Variants in DLG2 observed in about 807,000 individuals in gnomAD.
DLG2 encodes discs large MAGUK scaffold protein 2.
In DLG2, 45 loss-of-function variants were observed where a neutral mutation model predicts 132.5. The ratio of observed to expected loss-of-function variants is 0.34; its 90% CI spans 0.27 to 0.44. The LOEUF (loss-of-function observed/expected upper bound fraction) is 0.44, where lower values mean the gene tolerates loss of function less well. Ranked by LOEUF, DLG2 falls within the 20% of genes least tolerant of loss-of-function variation. The probability of loss-of-function intolerance (pLI) is 1.00; values close to 1 mark genes in which losing one functional copy is unlikely to be tolerated. For missense variants in DLG2, 1,045 were observed against 1,196.9 expected (o/e 0.87, Z 1.87); for synonymous variants, 424 against 419.6 (o/e 1.01, Z -0.13).
intron 6 of DLG2, among the ~76,000 whole-genome samples, chr11:85,084,800 G>A (rs115261012): frequency 0.021 from 3,250 of 152,132 alleles, 35 homozygotes; most frequent in Non-Finnish European, 0.026. Flanking sequence ...TGGTGTTTCC[G>A]GTGACTGGCA....
intron 8 of DLG2, among the ~76,000 whole-genome samples, chr11:84,174,008 C>T (rs910560639): frequency 3.7e-5 from 1 of 26,746 alleles, no homozygotes; most frequent in Admixed American, 4.4e-4. Flanking sequence ...GACTTCACCC[C>T]CCGGCCTTTT....
chr11:83,914,029 A>G (rs1014329315), intron 15 of DLG2, among the ~76,000 whole-genome samples: 29 of 152,298 alleles, frequency 1.9e-4, no homozygotes, highest in African/African-American at 5.8e-4. Context: ...CAGAAAAATC[A>G]TTCAAGAGAT....
At chr11:85,279,001 T>A (rs1355985842) in intron 4 of DLG2, among the ~76,000 whole-genome samples, 1 of 152,178 alleles carries the variant, frequency 6.6e-6, no homozygotes, top group East Asian at 1.9e-4. Context: ...ATGGCCTATA[T>A]ATGTGAGAGA....
chr11:83,927,689 C>G (rs574243254), intron 15 of DLG2, among the ~76,000 whole-genome samples: 1 of 152,082 alleles, frequency 6.6e-6, no homozygotes, highest in Admixed American at 6.6e-5. Flanking sequence ...GAGATCTGAT[C>G]TGTATTTTTT....
intron 19 of DLG2, among the ~76,000 whole-genome samples, chr11:83,561,895 T>C (rs1381279076): frequency 1.4e-5 from 2 of 140,328 alleles, no homozygotes; most frequent in South Asian, 2.4e-4. Flanking sequence ...TTTTTTTTTT[T>C]TTTTTTTTTT....
intron 7 of DLG2, among the ~76,000 whole-genome samples, chr11:84,390,444 T>C (rs1427829534): frequency 4.6e-5 from 7 of 152,176 alleles, no homozygotes; most frequent in African/African-American, 1.7e-4. Context: ...GTGGTTAGGC[T>C]TGAATGCCAG....
At chr11:83,724,476 T>TGTGAGAGAGAGAGAGA (rs762050933) in intron 18 of DLG2, among the ~76,000 whole-genome samples, 245 of 118,168 alleles carry the variant, frequency 2.1e-3, no homozygotes, top group East Asian at 9.4e-3. Context: ...TGTGTGTGTG[T>TGTGAGAGAGAGAGAGA]GAGAGAGAGA....
chr11:84,832,888 C>T (rs1175351669), intron 6 of DLG2, among the ~76,000 whole-genome samples: 1 of 151,530 alleles, frequency 6.6e-6, no homozygotes, highest in Non-Finnish European at 1.5e-5. Context: ...CAATTTTGCT[C>T]AGCAACTTCC....
chr11:83,491,135 GT>G lies in DLG2; in HGVS notation c.2194-6908del, dbSNP rs569211813. Among the ~76,000 whole-genome samples, 263 of 144,722 alleles carry G rather than the reference GT, an allele frequency of 1.8e-3. 2 individuals are homozygous for G. The highest frequency in any genetic ancestry group is 6.4e-3 in the African/African-American group (248 of 38,560). 94.9% of individuals were successfully genotyped at this position (144,722 alleles called of 152,430 possible). A position where few individuals can be genotyped will look rare whatever the true frequency, so the allele number is the denominator to read the frequency against. ...GAAAAATGTTTGTTTCCTTTTTATA[GT>G]TTTTTTTCTGTTTTTTTTTTTTTGT... On this transcript the variant is annotated intron_variant, in intron 21 of 27. Transcript: ENST00000376104.
At chr11:84,437,259 A>G (rs189839154) in intron 7 of DLG2, 1 of 152,118 alleles carries the variant, frequency 6.6e-6, no homozygotes, top group African/African-American at 2.4e-5. Context: ...AGTGGCAAGG[A>G]CCACATTCAC....
At chr11:85,024,490 A>G (rs2060346610) in intron 6 of DLG2, among the ~76,000 whole-genome samples, 1 of 152,224 alleles carries the variant, frequency 6.6e-6, no homozygotes, top group Non-Finnish European at 1.5e-5. Context: ...AGAAATTTGC[A>G]TAAATGCAGG....
intron 3 of DLG2, among the ~76,000 whole-genome samples, chr11:85,346,189 T>A (rs1389567947): frequency 7.1e-6 from 1 of 141,844 alleles, no homozygotes; most frequent in Non-Finnish European, 1.5e-5. Context: ...ATTTTCTTTC[T>A]TTTTTTTTTT....
chr11:84,059,035 T>C (rs931857771), intron 11 of DLG2, among the ~76,000 whole-genome samples: 6 of 152,156 alleles, frequency 3.9e-5, no homozygotes, highest in African/African-American at 1.4e-4. Context: ...TAAGTTATCA[T>C]GACCCAGTAA....
At chr11:84,004,568 G>T (rs904887787) in intron 11 of DLG2, among the ~76,000 whole-genome samples, 9 of 151,784 alleles carry the variant, frequency 5.9e-5, no homozygotes, top group Non-Finnish European at 1.3e-4. Context: ...AAAACTCTTA[G>T]ATCTAATAAA....
At chr11:84,079,244 G>A (rs2096869634) in intron 10 of DLG2, among the ~76,000 whole-genome samples, 1 of 150,902 alleles carries the variant, frequency 6.6e-6, no homozygotes, top group South Asian at 2.1e-4. Context: ...TCTTTCATTA[G>A]CTGAATTACT....
At chr11:84,596,229 C>T (rs574236268) in intron 6 of DLG2, among the ~76,000 whole-genome samples, 18 of 145,884 alleles carry the variant, frequency 1.2e-4, no homozygotes, top group Middle Eastern at 3.5e-3. Context: ...TTTCTCTTGA[C>T]GGAGCTTTGC....
chr11:85,016,571 C>T (rs2059595410), intron 6 of DLG2, among the ~76,000 whole-genome samples: 1 of 152,136 alleles, frequency 6.6e-6, no homozygotes. Flanking sequence ...CATCTGGTCT[C>T]TCTCAACTCA....
intron 7 of DLG2, among the ~76,000 whole-genome samples, chr11:84,319,193 T>TTC (rs1000464995): frequency 1.3e-5 from 2 of 151,194 alleles, no homozygotes; most frequent in African/African-American, 2.4e-5. Context: ...AGAAAATTAT[T>TTC]TCTCTCTCTC....
chr11:84,452,132 A>G (rs1299076616), intron 7 of DLG2, among the ~76,000 whole-genome samples: 2 of 151,488 alleles, frequency 1.3e-5, no homozygotes, highest in African/African-American at 2.4e-5. Context: ...AAGAAGGAAG[A>G]AGGAGGAGGA....
Sources: gnomAD v4.1 joint callset for allele counts (sites outside exome capture counted in the v4.1 genomes callset) on GRCh38, gnomAD v4.1.1 for gene constraint, MANE v1.5 for transcripts, NCBI Gene and HGNC (gene_info 2026-07-23, HGNC 2026-07-21) for gene names.